Variants in LYN observed in about 807,000 individuals in gnomAD.
LYN encodes the protein tyrosine-protein kinase Lyn.
In LYN, 12 loss-of-function variants were observed where a neutral mutation model predicts 65.0. That is an observed-to-expected ratio of 0.18 (90% CI 0.12 to 0.30). The LOEUF (loss-of-function observed/expected upper bound fraction) is 0.30. Ranked by LOEUF, LYN falls within the 10% of genes least tolerant of loss-of-function variation. LYN has a pLI of 1.00. For missense variants in LYN, 380 were observed against 623.2 expected, an observed-to-expected ratio of 0.61 and a Z score of 4.16; for synonymous variants, 222 against 221.2, an observed-to-expected ratio of 1.00 and a Z score of -0.03.
chr8:55,945,734 C>G (rs867403138), intron 2 of LYN, among the ~76,000 whole-genome samples: 1 of 152,178 alleles, frequency 6.6e-6, no homozygotes, highest in Non-Finnish European at 1.5e-5. Context: ...TAACTCACCC[C>G]CCCACTGAAA....
intron 2 of LYN, among the ~76,000 whole-genome samples, chr8:55,943,588 A>C (rs1010870881): frequency 1.3e-4 from 20 of 151,464 alleles, no homozygotes; most frequent in Admixed American, 1.3e-3. Flanking sequence ...AAAAAAAAAA[A>C]AAAAAAGGCA....
At chr8:55,998,173 T>A (rs1808429852) in intron 10 of LYN, among the ~76,000 whole-genome samples, 173 bp from the exon 11 acceptor site, 1 of 152,174 alleles carries the variant, frequency 6.6e-6, no homozygotes, top group Non-Finnish European at 1.5e-5. Flanking sequence ...GGTCAGTTAT[T>A]TTAGAAAGGG....
At chr8:56,008,118 C>CAAAAA (rs1554519937) in intron 12 of LYN, among the ~76,000 whole-genome samples, 2,406 of 64,284 alleles carry the variant, frequency 0.037, 106 homozygotes, top group African/African-American at 0.14. Context: ...GACTCTGCCT[C>CAAAAA]AAAAAAAAAA....
chr8:55,895,872 GC>G (rs1322513296), intron 1 of LYN: 2 of 152,048 alleles, frequency 1.3e-5, no homozygotes, highest in African/African-American at 4.8e-5. Context: ...ACTACCCCGA[GC>G]CTTTTCTTGA....
chr8:55,923,391 G>T (rs1332246733), intron 1 of LYN, among the ~76,000 whole-genome samples: 1 of 152,072 alleles, frequency 6.6e-6, no homozygotes, highest in Non-Finnish European at 1.5e-5. Context: ...GTCCTAACCT[G>T]CCATCCACTG....
intron 10 of LYN, among the ~76,000 whole-genome samples, chr8:55,995,084 C>A (rs547519838): frequency 3.9e-5 from 6 of 152,254 alleles, no homozygotes; most frequent in African/African-American, 1.4e-4. Flanking sequence ...GCTCCTCTCT[C>A]CCAGCCGCCA....
chr8:55,936,957 C>T (rs1806454197), intron 1 of LYN, among the ~76,000 whole-genome samples: 1 of 150,292 alleles, frequency 6.7e-6, no homozygotes, highest in African/African-American at 2.5e-5. Flanking sequence ...TAGGCACATA[C>T]GTGTTTATCC....
chr8:55,934,317 A>G (rs1228983849), intron 1 of LYN, among the ~76,000 whole-genome samples: 1 of 152,228 alleles, frequency 6.6e-6, no homozygotes. Flanking sequence ...ACAGGGTTTG[A>G]ATCTTTTCAA....
At chr8:55,920,475 T>C (rs868772256) in intron 1 of LYN, among the ~76,000 whole-genome samples, 1 of 152,234 alleles carries the variant, frequency 6.6e-6, no homozygotes, top group African/African-American at 2.4e-5. Context: ...TTACTTGCTC[T>C]GAGAGAGCAT....
At position 55,909,010 on chromosome 8, in the gene LYN, TACACACACACACACAC is replaced by T. The variant is rs369256669; in HGVS notation, c.-6+28934_-6+28949del. Among the ~76,000 whole-genome samples the T allele has an allele frequency of 1.2e-3, 38 of 32,236 alleles. 3 individuals carry two copies. The highest frequency in any genetic ancestry group is 3.8e-3 in the African/African-American group (33 of 8,706). The allele number at this position is 32,236 out of a possible 152,430, so 21.1% of individuals were successfully genotyped here. Reference sequence around the variant, plus strand: ...GTATGTATATATATATATATATATATACACACACACACACACACACACACACACACACACACACACA... The same window carrying T: ...GTATGTATATATATATATATATATATACACACACACACACACACACACACA... On this transcript the variant is annotated intron_variant, in intron 1 of 12. Coordinates refer to ENST00000519728, the MANE Select transcript of LYN (RefSeq NM_002350.4).
At chr8:55,889,163 C>T (rs1001985761) in intron 1 of LYN, among the ~76,000 whole-genome samples, 7 of 152,088 alleles carry the variant, frequency 4.6e-5, no homozygotes, top group East Asian at 3.9e-4. Context: ...TTACAGGCCC[C>T]GCCACCAGGC....
At chr8:55,883,189 G>A (rs970653280) in intron 1 of LYN, among the ~76,000 whole-genome samples, 1 of 152,190 alleles carries the variant, frequency 6.6e-6, no homozygotes, top group African/African-American at 2.4e-5. Flanking sequence ...GGTACTTGAA[G>A]TACAGTTTTT....
chr8:55,982,391 A>T (rs28416311), intron 10 of LYN, among the ~76,000 whole-genome samples: 8,348 of 152,184 alleles, frequency 0.055, 323 homozygotes, highest in Non-Finnish European at 0.086. Context: ...TCTTGGAGCA[A>T]TATGGATTTT....
At chr8:55,889,412 A>C (rs1362415358) in intron 1 of LYN, among the ~76,000 whole-genome samples, 2 of 152,198 alleles carry the variant, frequency 1.3e-5, no homozygotes, top group African/African-American at 4.8e-5. Flanking sequence ...CATGTTGGCC[A>C]GCCTGGTGTC....
chr8:55,981,253 A>G (rs555289358), intron 10 of LYN, among the ~76,000 whole-genome samples: 5 of 151,442 alleles, frequency 3.3e-5, no homozygotes, highest in Admixed American at 2.0e-4. Flanking sequence ...TGCTTACTCC[A>G]TTCTCCTCAG....
chr8:55,945,265 A>G (rs1464168597), intron 2 of LYN, among the ~76,000 whole-genome samples: 1 of 152,244 alleles, frequency 6.6e-6, no homozygotes, highest in Non-Finnish European at 1.5e-5. Context: ...AAATTTGAAA[A>G]ATCAGCTTGC....
At chr8:55,940,778 T>C (rs1450468261) in intron 1 of LYN, among the ~76,000 whole-genome samples, 1 of 152,160 alleles carries the variant, frequency 6.6e-6, no homozygotes, top group Non-Finnish European at 1.5e-5. Flanking sequence ...GCGTGTGTAG[T>C]GCTCAGCCGT....
At chr8:55,992,507 T>A (rs1200139147) in intron 10 of LYN, among the ~76,000 whole-genome samples, 3 of 152,236 alleles carry the variant, frequency 2.0e-5, no homozygotes, top group African/African-American at 7.2e-5. Context: ...TCCTCCTCCC[T>A]GCCTGGGCTC....
chr8:55,931,472 A>G (rs956607017), intron 1 of LYN, among the ~76,000 whole-genome samples: 8 of 151,442 alleles, frequency 5.3e-5, no homozygotes, highest in Admixed American at 6.6e-5. Flanking sequence ...TATAAAATAT[A>G]CCTTTTAAAT....
Sources: gnomAD v4.1 joint callset for allele counts (sites outside exome capture counted in the v4.1 genomes callset) on GRCh38, gnomAD v4.1.1 for gene constraint, MANE v1.5 for transcripts, NCBI Gene and HGNC (gene_info 2026-07-23, HGNC 2026-07-21) for gene names.